The following UBE2H variants were observed in gnomAD, a reference collection of about 807,000 sequenced individuals.
UBE2H encodes ubiquitin conjugating enzyme E2 H, also known as ubiquitin-conjugating enzyme E2 H.
UBE2H carries 3 observed loss-of-function variants against 29.0 expected under a neutral mutation model. The ratio of observed to expected loss-of-function variants is 0.10; its 90% CI spans 0.05 to 0.27. The LOEUF is 0.27. Ranked by LOEUF, UBE2H falls within the 10% of genes least tolerant of loss-of-function variation. The pLI, the probability that UBE2H is intolerant of heterozygous loss-of-function variation, is 1.00. For missense variants in UBE2H, 68 were observed against 228.2 expected (o/e 0.30, Z 4.52); for synonymous variants, 69 against 82.9 (o/e 0.83, Z 0.91).
At position 129,952,713 on chromosome 7, in the gene UBE2H, G is replaced by A. The variant is rs777206411; in HGVS notation, c.-158C>T. 2 of 765,624 alleles carry A rather than the reference G, an allele frequency of 2.6e-6. No homozygotes were observed. The highest frequency in any genetic ancestry group is 3.7e-6 in the Non-Finnish European group (2 of 535,812). The allele number at this position is 765,624 out of a possible 1,614,324, so 47.4% of individuals were successfully genotyped here. A position where few individuals can be genotyped will look rare whatever the true frequency, so the allele number is the denominator to read the frequency against. On this transcript the variant is annotated 5_prime_UTR_variant, in exon 1 of 7. Coordinates refer to ENST00000355621, the MANE Select transcript of UBE2H (RefSeq NM_003344.4). ...AGCCGCCGCCGCCGCCCCCCGCACG[G>A]GGGAACACCGGGCACTGTCCGGCCG...
intron 1 of UBE2H, among the ~76,000 whole-genome samples, chr7:129,949,588 AAAAC>A (rs1807832998): frequency 6.6e-6 from 1 of 152,182 alleles, no homozygotes; most frequent in Non-Finnish European, 1.5e-5. Flanking sequence ...GCATTGGTGC[AAAAC>A]ACTCACTCCC....
At chr7:129,840,575 C>G (rs1356340074) in intron 5 of UBE2H, among the ~76,000 whole-genome samples, 1 of 152,050 alleles carries the variant, frequency 6.6e-6, no homozygotes, top group Non-Finnish European at 1.5e-5. Flanking sequence ...AAAGCAGGCC[C>G]TGAGAACCTG....
intron 1 of UBE2H, among the ~76,000 whole-genome samples, chr7:129,927,580 A>G (rs1807296850): frequency 6.6e-6 from 1 of 152,228 alleles, no homozygotes; most frequent in Admixed American, 6.5e-5. Flanking sequence ...CAACAAATAA[A>G]TGGATAAAAT....
intron 3 of UBE2H, among the ~76,000 whole-genome samples, chr7:129,871,602 T>TATTCGGG (rs1806032016): frequency 2.6e-5 from 4 of 151,680 alleles, no homozygotes; most frequent in Non-Finnish European, 4.4e-5. Flanking sequence ...TAATCCCAGC[T>TATTCGGG]ATTCGGGAGA....
chr7:129,949,938 C>A (rs1807841420), intron 1 of UBE2H, among the ~76,000 whole-genome samples: 2 of 152,194 alleles, frequency 1.3e-5, no homozygotes, highest in Non-Finnish European at 2.9e-5. Flanking sequence ...TTCCTTCAGA[C>A]CTTTTCTTCC....
intron 1 of UBE2H, among the ~76,000 whole-genome samples, chr7:129,939,143 G>A (rs1456183208): frequency 1.3e-5 from 2 of 152,184 alleles, no homozygotes; most frequent in Admixed American, 6.6e-5. Context: ...TCACAGCTGT[G>A]AGAACCAAAT....
intron 1 of UBE2H, among the ~76,000 whole-genome samples, chr7:129,893,696 C>T (rs1379476262): frequency 6.6e-6 from 1 of 152,132 alleles, no homozygotes. Context: ...ATCAATAGCT[C>T]CTTAATAAAC....
At chr7:129,852,492 T>C (rs1257268363) in intron 5 of UBE2H, among the ~76,000 whole-genome samples, 1 of 152,158 alleles carries the variant, frequency 6.6e-6, no homozygotes, top group Non-Finnish European at 1.5e-5. Flanking sequence ...TTTGTATCTC[T>C]TGCCTAATCT....
At chr7:129,946,900 A>G (rs995725453) in intron 1 of UBE2H, among the ~76,000 whole-genome samples, 1 of 152,244 alleles carries the variant, frequency 6.6e-6, no homozygotes, top group African/African-American at 2.4e-5. Flanking sequence ...TGCAAACATT[A>G]TAACGTAATG....
intron 1 of UBE2H, among the ~76,000 whole-genome samples, chr7:129,937,488 A>G (rs1344156455): frequency 6.6e-6 from 1 of 152,208 alleles, no homozygotes; most frequent in Admixed American, 6.5e-5. Context: ...AGTCACATTA[A>G]TTACTCCAAG....
intron 6 of UBE2H, among the ~76,000 whole-genome samples, chr7:129,836,364 G>A (rs1294283057): frequency 6.6e-6 from 1 of 151,822 alleles, no homozygotes; most frequent in Non-Finnish European, 1.5e-5. Flanking sequence ...TTGAGAGAGA[G>A]AAAGGAAGAG....
intron 3 of UBE2H, among the ~76,000 whole-genome samples, chr7:129,873,976 T>G (rs1806095455): frequency 6.6e-6 from 1 of 152,214 alleles, no homozygotes; most frequent in South Asian, 2.1e-4. Flanking sequence ...ACAAATTGGT[T>G]TCTAAACTTG....
At chr7:129,903,491 A>C (rs947555283) in intron 1 of UBE2H, among the ~76,000 whole-genome samples, 3 of 152,210 alleles carry the variant, frequency 2.0e-5, no homozygotes, top group Non-Finnish European at 4.4e-5. Context: ...GGCCAGGCAT[A>C]GTGGCTCATG....
intron 1 of UBE2H, among the ~76,000 whole-genome samples, chr7:129,892,025 T>C (rs1026475623): frequency 2.7e-5 from 4 of 148,290 alleles, no homozygotes; most frequent in Admixed American, 6.9e-5. Flanking sequence ...TGATCTGGGC[T>C]CACTGCAAGC....
chr7:129,948,512 T>C (rs1807808990), intron 1 of UBE2H, among the ~76,000 whole-genome samples: 1 of 152,172 alleles, frequency 6.6e-6, no homozygotes, highest in Non-Finnish European at 1.5e-5. Context: ...GTTAAGTGCA[T>C]TTAAAGTGGC....
intron 1 of UBE2H, among the ~76,000 whole-genome samples, chr7:129,944,111 CTTTGGG>C (rs1373020577): frequency 5.2e-5 from 6 of 115,784 alleles, no homozygotes; most frequent in Admixed American, 2.8e-4. Flanking sequence ...AATCCCAGCA[CTTTGGG>C]AGGCCACGGT....
Position 129,952,672 on chromosome 7 carries a change from T to A in UBE2H, c.-117A>T, listed in dbSNP as rs1336498282. The A allele has an allele frequency of 1.7e-6, 2 of 1,165,882 alleles. No homozygotes were observed. Among genetic ancestry groups the A allele is most frequent in the Non-Finnish European group, 2.3e-6 (2 of 879,022 alleles). 72.2% of individuals were successfully genotyped at this position (1,165,882 alleles called of 1,614,324 possible). On this transcript the variant is annotated 5_prime_UTR_variant, in exon 1 of 7. Coordinates refer to ENST00000355621, the MANE Select transcript of UBE2H (RefSeq NM_003344.4). ...GGTGGAGGTGGCAACACCCCCGCGG[T>A]CCCGGCGGTCCCGTCAGCCGCCGCC... is the stretch of plus-strand genomic sequence containing the variant.
chr7:129,917,517 A>G (rs557582911), intron 1 of UBE2H, among the ~76,000 whole-genome samples: 1 of 152,270 alleles, frequency 6.6e-6, no homozygotes, highest in East Asian at 1.9e-4. Context: ...GGCTGAGACA[A>G]TCAACTAGCC....
At chr7:129,928,477 C>T (rs1807318793) in intron 1 of UBE2H, among the ~76,000 whole-genome samples, 1 of 152,132 alleles carries the variant, frequency 6.6e-6, no homozygotes, top group South Asian at 2.1e-4. Context: ...GTGGCACACA[C>T]CTGTAATCCC....
Sources: allele counts gnomAD v4.1 joint callset (sites outside exome capture counted in the v4.1 genomes callset), GRCh38; gene constraint gnomAD v4.1.1; transcripts MANE v1.5; gene names NCBI Gene and HGNC (gene_info 2026-07-23, HGNC 2026-07-21).